Variants in NLRP1 observed in about 807,000 individuals in gnomAD.
NLRP1 encodes NLR family pyrin domain containing 1, also known as NACHT, LRR and PYD domains-containing protein 1.
A neutral mutation model predicts 136.7 loss-of-function variants in NLRP1; 94 were observed. The observed-to-expected ratio is 0.69, with a 90% confidence interval of 0.58 to 0.82. The LOEUF (loss-of-function observed/expected upper bound fraction) is 0.82, where lower values mean the gene tolerates loss of function less well. Among genes scored for constraint, NLRP1 ranks in the 40% least tolerant of loss-of-function variants. NLRP1 has a pLI of 0.00. For synonymous variants in NLRP1, 690 were observed against 725.1 expected, an observed-to-expected ratio of 0.95 and a Z score of 0.78; for missense variants, 1,575 against 1,802.7, an observed-to-expected ratio of 0.87 and a Z score of 2.29.
intron 12 of NLRP1, 115 bp downstream of exon 12, chr17:5,530,366 C>A (rs373713651): frequency 7.1e-6 from 6 of 845,206 alleles, no homozygotes; most frequent in African/African-American, 6.8e-5. Context: ...CCATAACCCC[C>A]CCTCGGCCCC....
At chr17:5,544,330 G>A (rs35364521) in intron 5 of NLRP1, among the ~76,000 whole-genome samples, 7,211 of 152,222 alleles carry the variant, frequency 0.047, 200 homozygotes, top group Middle Eastern at 0.085. Context: ...GTGATTTGGT[G>A]GGGGCAAATC....
chr17:5,525,736 CTG>C (rs1348058030), intron 12 of NLRP1, among the ~76,000 whole-genome samples: 2 of 152,242 alleles, frequency 1.3e-5, no homozygotes, highest in African/African-American at 4.8e-5. Flanking sequence ...CTTGCCCTCT[CTG>C]TGCATCATCT....
chr17:5,528,947 A>T (rs1054297563), intron 12 of NLRP1, among the ~76,000 whole-genome samples: 17 of 152,222 alleles, frequency 1.1e-4, no homozygotes, highest in African/African-American at 4.1e-4. Flanking sequence ...TGTTTATCAA[A>T]TCATTTTATC....
chr17:5,552,084 CTTTTTTTTTTTTTTT>C (rs71151872), intron 5 of NLRP1, among the ~76,000 whole-genome samples: 85 of 96,674 alleles, frequency 8.8e-4, no homozygotes, highest in Admixed American at 3.1e-3. Context: ...TCTATCTTTC[CTTTTTTTTTTTTTTT>C]TTTTTTTTTT....
intron 12 of NLRP1, among the ~76,000 whole-genome samples, chr17:5,529,459 CT>C (rs1381965156): frequency 6.6e-6 from 1 of 151,854 alleles, no homozygotes; most frequent in East Asian, 1.9e-4. Context: ...GCTCCACCTC[CT>C]GGGTTCACGC....
intron 4 of NLRP1, among the ~76,000 whole-genome samples, chr17:5,556,594 A>G (rs1054129047): frequency 6.6e-6 from 1 of 152,084 alleles, no homozygotes; most frequent in Non-Finnish European, 1.5e-5. Context: ...TGTGCACAGA[A>G]AAAAGACTGG....
At chr17:5,520,353 C>T (rs1178864254) in intron 14 of NLRP1, among the ~76,000 whole-genome samples, 2 of 152,166 alleles carry the variant, frequency 1.3e-5, no homozygotes, top group Non-Finnish European at 2.9e-5. Context: ...ACCTCTATGC[C>T]TCTGCACACA....
At chr17:5,528,988 T>G (rs184582227) in intron 12 of NLRP1, among the ~76,000 whole-genome samples, 1 of 152,358 alleles carries the variant, frequency 6.6e-6, no homozygotes, top group Admixed American at 6.5e-5. Flanking sequence ...ATTGGAGTCA[T>G]GATTTGACAT....
Position 5,514,346 on chromosome 17 carries a change from G to T in NLRP1, c.*408C>A. On this transcript the variant is annotated 3_prime_UTR_variant, in exon 17 of 17. Transcript: ENST00000572272. ...TGTAGATCTTCCTGTACAAAGCCAAGAATCCACGTGGCCTCCCACGCTGAA... is the reference window on the plus strand; with the variant it reads ...TGTAGATCTTCCTGTACAAAGCCAATAATCCACGTGGCCTCCCACGCTGAA... 1.0e-6 allele frequency: 1 copy of T among 995,462 alleles called. No individual in the cohort carries two copies. The highest frequency in any genetic ancestry group is 1.2e-6 in the Non-Finnish European group (1 of 819,838). The allele number at this position is 995,462 out of a possible 1,614,324, so 61.7% of individuals were successfully genotyped here. A position where few individuals can be genotyped will look rare whatever the true frequency, so the allele number is the denominator to read the frequency against.
rs1446553860 is a variant in NLRP1 at position 5,559,903 on chromosome 17, A to G, written c.793T>C (p.Ser265Pro). 1 of 1,614,194 alleles carries G rather than the reference A, an allele frequency of 6.2e-7. No individual in the cohort carries two copies. Residue 265 changes from serine to proline, a missense_variant, in exon 4 of 17, where the codon TCC becomes CCC. Coordinates refer to ENST00000572272, the MANE Select transcript of NLRP1 (RefSeq NM_033004.4). Reference sequence around the variant, plus strand: ...TCCTCATTTTTCCAGGGCCATGTGGAACAGAGGCTCTCTCTCACAGAAGGC... The same window carrying G: ...TCCTCATTTTTCCAGGGCCATGTGGGACAGAGGCTCTCTCTCACAGAAGGC... ...WEPSVRESLC[S>P]TWPWKNEDFN...
intron 4 of NLRP1, among the ~76,000 whole-genome samples, chr17:5,554,800 T>A (rs904546972): frequency 2.0e-5 from 3 of 152,060 alleles, no homozygotes; most frequent in African/African-American, 7.3e-5. Flanking sequence ...GGCAGGAGGA[T>A]CGATTGAGCC....
chr17:5,516,778 A>G (rs1328944675), intron 15 of NLRP1, among the ~76,000 whole-genome samples: 1 of 152,164 alleles, frequency 6.6e-6, no homozygotes, highest in Non-Finnish European at 1.5e-5. Context: ...TTAGTTCTCC[A>G]TCTGTGGTTG....
intron 7 of NLRP1, among the ~76,000 whole-genome samples, chr17:5,538,888 A>C (rs1353244211): frequency 6.6e-6 from 1 of 151,966 alleles, no homozygotes; most frequent in Non-Finnish European, 1.5e-5. Flanking sequence ...TTAATTAATT[A>C]ATTAATTTTT....
At chr17:5,533,532 A>T (rs1302751485) in intron 9 of NLRP1, 148 bp from the exon 10 acceptor site, 1 of 537,156 alleles carries the variant, frequency 1.9e-6, no homozygotes, top group African/African-American at 2.0e-5. Context: ...CTCCAGCCTG[A>T]ACACTAGAGT....
chr17:5,527,632 A>G (rs1909725576), intron 12 of NLRP1, among the ~76,000 whole-genome samples: 1 of 152,198 alleles, frequency 6.6e-6, no homozygotes, highest in Non-Finnish European at 1.5e-5. Context: ...ATGAAAAAAG[A>G]GATGATATTA....
rs750048791 is a variant in NLRP1, at chr17:5,515,490, A to G, written c.4085T>C (p.Ile1362Thr). 1 of 1,613,724 alleles carries G rather than the reference A, an allele frequency of 6.2e-7. No individual in the cohort carries two copies. The highest frequency in any genetic ancestry group is 1.1e-5 in the South Asian group (1 of 91,066). ...PGDLMPATTL[I>T]PPARIAVPSP... is the part of the protein sequence containing the mutation. Reference sequence around the variant, plus strand: ...TTACTGACCTATGCGGGCTGGAGGGATCAGAGTAGTTGCAGGCATGAGATC... The same window carrying G: ...TTACTGACCTATGCGGGCTGGAGGGGTCAGAGTAGTTGCAGGCATGAGATC... The change falls in exon 16 of 17, where the codon ATC becomes ACC. Residue 1362 changes from isoleucine (I) to threonine (T), a missense_variant. By Grantham distance (89) the Ile-to-Thr change is moderately conservative. Coordinates refer to ENST00000572272, the MANE Select transcript of NLRP1 (RefSeq NM_033004.4).
rs1266839274 is a variant in NLRP1 at position 5,559,676 on chromosome 17, C to T, written c.1020G>A (p.Lys340=). The T allele has an allele frequency of 3.7e-6, 6 of 1,614,148 alleles. No homozygotes were observed. Among genetic ancestry groups the T allele is most frequent in the Non-Finnish European group, 4.2e-6 (5 of 1,180,060 alleles). The part of the protein sequence containing the change: ...VILQGAAGIG[K]STLARQVKEA... ...CCTTCACCTGCCTGGCCAGTGTTGACTTCCCAATTCCAGCAGCCCCCTGCA... is the reference window on the plus strand; with the variant it reads ...CCTTCACCTGCCTGGCCAGTGTTGATTTCCCAATTCCAGCAGCCCCCTGCA... Residue 340 remains lysine (K), a synonymous_variant, in exon 4 of 17, where the codon AAG becomes AAA. Transcript: ENST00000572272.
At chr17:5,522,745 G>A (rs1909053497) in intron 12 of NLRP1, among the ~76,000 whole-genome samples, 1 of 152,134 alleles carries the variant, frequency 6.6e-6, no homozygotes, top group South Asian at 2.1e-4. Flanking sequence ...TGGCCCTGGA[G>A]CTGGGAAAGA....
At chr17:5,578,463 C>T (rs1844344300) in intron 3 of NLRP1, among the ~76,000 whole-genome samples, 1 of 152,214 alleles carries the variant, frequency 6.6e-6, no homozygotes, top group African/African-American at 2.4e-5. Flanking sequence ...TATGAACAGA[C>T]ACTTCTCAAA....
Sources: allele counts gnomAD v4.1 joint callset (sites outside exome capture counted in the v4.1 genomes callset), GRCh38; gene constraint gnomAD v4.1.1; transcripts MANE v1.5; gene names NCBI Gene and HGNC (gene_info 2026-07-23, HGNC 2026-07-21).